Variants in GPC5 observed in about 807,000 individuals in gnomAD.
The protein encoded by GPC5 is glypican 5.
In GPC5, 47 loss-of-function variants were observed where a neutral mutation model predicts 53.9. The ratio of observed to expected loss-of-function variants is 0.87; its 90% CI spans 0.69 to 1.11. The LOEUF (loss-of-function observed/expected upper bound fraction) is 1.11. Among genes scored for constraint, GPC5 ranks in the 50% most tolerant of loss-of-function variants. GPC5 has a pLI of 0.00. For missense variants in GPC5, 748 were observed against 713.1 expected, an observed-to-expected ratio of 1.05 and a Z score of -0.56; for synonymous variants, 286 against 263.3, an observed-to-expected ratio of 1.09 and a Z score of -0.84.
chr13:92,161,924 TA>T (rs1337850287), intron 7 of GPC5, among the ~76,000 whole-genome samples: 1 of 145,148 alleles, frequency 6.9e-6, no homozygotes, highest in Non-Finnish European at 1.5e-5. Context: ...AGAATATAAA[TA>T]ATTATATTTG....
chr13:91,547,205 A>G (rs138678050), intron 2 of GPC5, among the ~76,000 whole-genome samples: 126 of 152,248 alleles, frequency 8.3e-4, no homozygotes, highest in African/African-American at 3.0e-3. Flanking sequence ...AGAGATGTTC[A>G]GAAGATATTT....
chr13:92,457,866 T>A (rs1878331216), intron 7 of GPC5, among the ~76,000 whole-genome samples: 1 of 152,154 alleles, frequency 6.6e-6, no homozygotes, highest in South Asian at 2.1e-4. Flanking sequence ...AGAGGAGCAT[T>A]TTCTTCTGAT....
At chr13:92,749,188 T>A (rs912541178) in intron 7 of GPC5, among the ~76,000 whole-genome samples, 4 of 152,186 alleles carry the variant, frequency 2.6e-5, no homozygotes, top group Non-Finnish European at 1.5e-5. Flanking sequence ...TAACATAGCT[T>A]ATTTAGACGA....
At chr13:91,814,637 T>C (rs2038372110) in intron 5 of GPC5, among the ~76,000 whole-genome samples, 1 of 152,024 alleles carries the variant, frequency 6.6e-6, no homozygotes, top group African/African-American at 2.4e-5. Flanking sequence ...ACCTCCTGGG[T>C]TCAAGCGATT....
chr13:92,637,504 C>A (rs1885447498), intron 7 of GPC5, among the ~76,000 whole-genome samples: 1 of 152,208 alleles, frequency 6.6e-6, no homozygotes, highest in Admixed American at 6.5e-5. Flanking sequence ...TAGCCAGAGT[C>A]AAAAAACCTT....
At position 91,757,938 on chromosome 13, in the gene GPC5, A is replaced by C. The variant is rs918387740; in HGVS notation, c.1280+1518A>C. Among the ~76,000 whole-genome samples the C allele has an allele frequency of 2.0e-5, 3 of 152,142 alleles. No homozygotes were observed. The East Asian group carries it at 5.8e-4, about 29-fold the overall frequency. ...ATTTATATAACTAAGCCACTTATAT[A>C]TTTCTGAGTGATCATTTTCATTATA... On this transcript the variant is annotated intron_variant, in intron 5 of 7. Transcript: ENST00000377067.
chr13:91,547,781 C>T (rs1468893917), intron 2 of GPC5, among the ~76,000 whole-genome samples: 1 of 152,052 alleles, frequency 6.6e-6, no homozygotes, highest in Non-Finnish European at 1.5e-5. Context: ...TATACTCTAA[C>T]CAAGTGGGAT....
At chr13:92,421,159 C>T (rs1156577876) in intron 7 of GPC5, among the ~76,000 whole-genome samples, 1 of 152,148 alleles carries the variant, frequency 6.6e-6, no homozygotes, top group Non-Finnish European at 1.5e-5. Flanking sequence ...CATAACTTGC[C>T]TCTTCTAGTT....
chr13:91,979,456 A>T (rs576910251), intron 6 of GPC5, among the ~76,000 whole-genome samples: 9 of 152,208 alleles, frequency 5.9e-5, no homozygotes, highest in Non-Finnish European at 1.3e-4. Flanking sequence ...TTTTGAAATG[A>T]TATTACTACC....
At position 92,117,739 on chromosome 13, in the gene GPC5, G is replaced by T. The variant is rs72635480; in HGVS notation, c.1402-27091G>T. On this transcript the variant is annotated intron_variant, in intron 6 of 7. Coordinates refer to ENST00000377067, the MANE Select transcript of GPC5 (RefSeq NM_004466.6). ...CACTTTATTTTTTGTCATTCTAAAA[G>T]ATAATTTTTGTATGTTTCCATTTCT... 4.0e-3 allele frequency among the ~76,000 whole-genome samples: 605 copies of T among 152,060 alleles called. 1 individual carries two copies. The highest frequency in any genetic ancestry group is 0.014 in the Middle Eastern group (4 of 294).
intron 6 of GPC5, among the ~76,000 whole-genome samples, chr13:91,996,882 T>C (rs2040508368): frequency 6.6e-6 from 1 of 152,196 alleles, no homozygotes; most frequent in African/African-American, 2.4e-5. Flanking sequence ...GTAGCAATTG[T>C]ATGCATTTTT....
At chr13:91,844,501 G>A (rs1397104748) in intron 5 of GPC5, among the ~76,000 whole-genome samples, 1 of 152,106 alleles carries the variant, frequency 6.6e-6, no homozygotes, top group Non-Finnish European at 1.5e-5. Flanking sequence ...TGAGCCAAAG[G>A]CCTGGGCTGT....
intron 5 of GPC5, among the ~76,000 whole-genome samples, chr13:91,809,732 C>T (rs574715775): frequency 3.9e-5 from 6 of 152,104 alleles, no homozygotes; most frequent in Admixed American, 1.3e-4. Context: ...GCACAGAATA[C>T]ATATGGCCCA....
intron 6 of GPC5, among the ~76,000 whole-genome samples, chr13:91,968,606 C>T (rs1043519135): frequency 6.6e-6 from 1 of 151,550 alleles, no homozygotes; most frequent in Admixed American, 6.6e-5. Flanking sequence ...GGACTACAGG[C>T]ATGTGCCACC....
intron 2 of GPC5, among the ~76,000 whole-genome samples, chr13:91,688,262 T>A (rs2035665267): frequency 6.6e-6 from 1 of 152,140 alleles, no homozygotes; most frequent in Admixed American, 6.5e-5. Context: ...TCATTTTTGA[T>A]AGGTGTTTAC....
intron 2 of GPC5, among the ~76,000 whole-genome samples, chr13:91,647,515 G>T (rs1004658375): frequency 6.6e-6 from 1 of 152,228 alleles, no homozygotes; most frequent in South Asian, 2.1e-4. Flanking sequence ...CATCATTTCT[G>T]CATTCCTCCT....
intron 6 of GPC5, among the ~76,000 whole-genome samples, chr13:92,081,344 C>T (rs538105316): frequency 3.4e-4 from 51 of 152,230 alleles, no homozygotes; most frequent in African/African-American, 1.2e-3. Flanking sequence ...TCAAGTGATC[C>T]GCCTGCCTTG....
intron 2 of GPC5, among the ~76,000 whole-genome samples, chr13:91,548,276 C>T (rs532998569): frequency 4.5e-4 from 68 of 152,134 alleles, no homozygotes; most frequent in Middle Eastern, 3.4e-3. Context: ...GGATGTAGGA[C>T]GCAAGGTTAA....
chr13:91,769,936 C>T (rs973682683), intron 5 of GPC5, among the ~76,000 whole-genome samples: 1 of 152,096 alleles, frequency 6.6e-6, no homozygotes, highest in Non-Finnish European at 1.5e-5. Flanking sequence ...TACCACAGAC[C>T]TCACATGTTA....
Sources: allele counts gnomAD v4.1 joint callset (sites outside exome capture counted in the v4.1 genomes callset), GRCh38; gene constraint gnomAD v4.1.1; transcripts MANE v1.5; gene names NCBI Gene and HGNC (gene_info 2026-07-23, HGNC 2026-07-21).